The following COL28A1 variants were observed in gnomAD, a reference collection of about 807,000 sequenced individuals.
COL28A1 encodes the protein collagen type XXVIII alpha 1 chain, also known as collagen alpha-1(XXVIII) chain.
A neutral mutation model predicts 150.2 loss-of-function variants in COL28A1; 161 were observed. The ratio of observed to expected loss-of-function variants is 1.07; its 90% CI spans 0.94 to 1.22. The LOEUF is 1.22. Ranked by LOEUF, COL28A1 falls within the 50% of genes most tolerant of loss-of-function variation. COL28A1 has a pLI of 0.00. For missense variants in COL28A1, 1,617 were observed against 1,388.3 expected, an observed-to-expected ratio of 1.16 and a Z score of -2.62; for synonymous variants, 552 against 469.7, an observed-to-expected ratio of 1.18 and a Z score of -2.26.
intron 11 of COL28A1, among the ~76,000 whole-genome samples, chr7:7,493,292 G>A (rs755944090): frequency 2.0e-4 from 31 of 151,930 alleles, no homozygotes; most frequent in Non-Finnish European, 4.1e-4. Flanking sequence ...GCCCTACTTG[G>A]TACTTATCTG....
intron 6 of COL28A1, 122 bp from the exon 7 acceptor site, chr7:7,517,959 C>T (rs1028983968): frequency 9.4e-6 from 12 of 1,277,614 alleles, no homozygotes; most frequent in African/African-American, 7.7e-5. Flanking sequence ...TAGTCTTTCC[C>T]GTTGACATTT....
At chr7:7,429,397 A>G (rs968821990) in intron 25 of COL28A1, among the ~76,000 whole-genome samples, 2 of 146,174 alleles carry the variant, frequency 1.4e-5, no homozygotes, top group South Asian at 2.1e-4. Flanking sequence ...GTTTCTGTCT[A>G]TGAATCTCCC....
chr7:7,461,137 C>A (rs1255094818), intron 15 of COL28A1, among the ~76,000 whole-genome samples: 1 of 152,170 alleles, frequency 6.6e-6, no homozygotes, highest in Non-Finnish European at 1.5e-5. Flanking sequence ...GAACACATAC[C>A]CCCACTGGGG....
At chr7:7,395,624 T>C (rs1382366351) in intron 27 of COL28A1, among the ~76,000 whole-genome samples, 1 of 152,080 alleles carries the variant, frequency 6.6e-6, no homozygotes, top group Non-Finnish European at 1.5e-5. Flanking sequence ...TTATAGTCAA[T>C]TGGAACATGG....
chr7:7,343,105 A>T, the COL28A1 span, among the ~76,000 whole-genome samples: 1 of 151,960 alleles, frequency 6.6e-6, no homozygotes, highest in African/African-American at 2.4e-5. Context: ...TCCTTCTTAG[A>T]GGTAATCTCT....
intron 25 of COL28A1, 46 bp from the exon 26 acceptor site, chr7:7,419,999 TTA>T (rs758753855): frequency 2.3e-6 from 3 of 1,313,678 alleles, no homozygotes; most frequent in African/African-American, 1.5e-5. Context: ...TTTAAAGACT[TTA>T]TGTTTTTTTC....
At chr7:7,344,039 G>A in the COL28A1 span, among the ~76,000 whole-genome samples, 22 of 151,742 alleles carry the variant, frequency 1.4e-4, no homozygotes, top group East Asian at 4.1e-3. Flanking sequence ...AAAGGTGCAG[G>A]TGCATTTCTT....
At chr7:7,419,176 C>T (rs1784264787) in intron 26 of COL28A1, among the ~76,000 whole-genome samples, 2 of 152,184 alleles carry the variant, frequency 1.3e-5, no homozygotes, top group Non-Finnish European at 2.9e-5. Flanking sequence ...ACAATTAAAA[C>T]TAGGTTTCTC....
At chr7:7,387,363 A>G (rs1407310630) in intron 27 of COL28A1, among the ~76,000 whole-genome samples, 1 of 152,220 alleles carries the variant, frequency 6.6e-6, no homozygotes, top group Non-Finnish European at 1.5e-5. Flanking sequence ...ACTAAAGAAT[A>G]AAACAATACT....
intron 11 of COL28A1, among the ~76,000 whole-genome samples, chr7:7,500,846 G>C (rs1343248876): frequency 1.3e-5 from 2 of 152,208 alleles, no homozygotes; most frequent in African/African-American, 4.8e-5. Flanking sequence ...GAAAAAGTAG[G>C]GTTCGGAAAA....
At chr7:7,451,330 G>A (rs1405757056) in intron 18 of COL28A1, among the ~76,000 whole-genome samples, 1 of 151,818 alleles carries the variant, frequency 6.6e-6, no homozygotes, top group Admixed American at 6.6e-5. Flanking sequence ...AGTTCAAGTG[G>A]TTCTCCCGCC....
chr7:7,388,631 A>C (rs1285642939), intron 27 of COL28A1, among the ~76,000 whole-genome samples: 1 of 152,094 alleles, frequency 6.6e-6, no homozygotes, highest in African/African-American at 2.4e-5. Context: ...CAACACTGTA[A>C]AAGCATTCCT....
Position 7,370,901 on chromosome 7 carries a change from AAAAG to A in COL28A1, c.2909-23_2909-20del. 1 of 1,547,632 alleles carries A rather than the reference AAAAG, an allele frequency of 6.5e-7. No homozygotes were observed. Among genetic ancestry groups the A allele is most frequent in the African/African-American group, 1.4e-5 (1 of 73,296 alleles). On this transcript the variant is annotated intron_variant, in intron 32 of 34. Coordinates refer to ENST00000399429, the MANE Select transcript of COL28A1 (RefSeq NM_001037763.3). ...AGGGTGTCTTTTAAAAAAGAAGTAGAAAAGAGAGATAGTAGAAGCAATGAAACAA... is the reference window on the plus strand; with the variant it reads ...AGGGTGTCTTTTAAAAAAGAAGTAGAAGAGATAGTAGAAGCAATGAAACAA...
chr7:7,407,752 T>C (rs1226090680), intron 27 of COL28A1, among the ~76,000 whole-genome samples: 1 of 152,020 alleles, frequency 6.6e-6, no homozygotes, highest in Non-Finnish European at 1.5e-5. Context: ...AGAAAGAGAA[T>C]AGTAAATACA....
upstream of COL28A1, among the ~76,000 whole-genome samples, chr7:7,536,420 A>C (rs1365765447): frequency 2.0e-5 from 3 of 152,298 alleles, no homozygotes; most frequent in East Asian, 5.8e-4. Context: ...CCCACTTATG[A>C]AATGAGAGAG....
intron 20 of COL28A1, 111 bp downstream of exon 20, chr7:7,443,474 G>C (rs1432982742): frequency 6.7e-7 from 1 of 1,501,298 alleles, no homozygotes; most frequent in African/African-American, 1.4e-5. Context: ...TTTTAAGCCA[G>C]ACATAAACAC....
At chr7:7,384,844 AAAG>A (rs910300491) in intron 27 of COL28A1, among the ~76,000 whole-genome samples, 2 of 152,232 alleles carry the variant, frequency 1.3e-5, no homozygotes, top group Non-Finnish European at 2.9e-5. Context: ...CAATCAAAAA[AAAG>A]GAGAGGAGAA....
intron 17 of COL28A1, 76 bp downstream of exon 17, chr7:7,453,364 C>A: frequency 1.2e-6 from 1 of 830,372 alleles, no homozygotes. Flanking sequence ...TGCTGTCTTC[C>A]CTTGCACTGG....
At chr7:7,539,190 G>T (rs1782744381), upstream of COL28A1, among the ~76,000 whole-genome samples, 1 of 152,268 alleles carries the variant, frequency 6.6e-6, no homozygotes, top group South Asian at 2.1e-4. Flanking sequence ...AATCTATAAA[G>T]AAAAGAGGTT....
Sources: allele counts gnomAD v4.1 joint callset (sites outside exome capture counted in the v4.1 genomes callset), GRCh38; gene constraint gnomAD v4.1.1; transcripts MANE v1.5; gene names NCBI Gene and HGNC (gene_info 2026-07-23, HGNC 2026-07-21).